Variants in RPTOR observed in about 807,000 individuals in gnomAD.
RPTOR encodes the protein regulatory associated protein of MTOR complex 1.
Under a neutral mutation model 169.9 loss-of-function variants are expected in RPTOR, and 21 were observed. That is an observed-to-expected ratio of 0.12 (90% CI 0.09 to 0.18). RPTOR has a LOEUF of 0.18. RPTOR is among the 10% of genes least tolerant of loss of function. The probability of loss-of-function intolerance (pLI) is 1.00; values close to 1 mark genes in which losing one functional copy is unlikely to be tolerated. For synonymous variants in RPTOR, 732 were observed against 753.2 expected (o/e 0.97, Z 0.46); for missense variants, 1,133 against 1,855.9 (o/e 0.61, Z 7.16).
rs1045150039 is a variant in RPTOR, at chr17:80,633,430, C to G, written c.265+7637C>G. On this transcript the variant is annotated intron_variant, in intron 2 of 33. Coordinates refer to ENST00000306801, the MANE Select transcript of RPTOR (RefSeq NM_020761.3). The surrounding 1 kb of genome is among the most constrained non-coding windows in gnomAD (Gnocchi z 4.1). ...ACTCAGTCTGAAGCAGTTCCACAGGCATTCCGTGACCCTCCTCACCCTGGC... is the reference window on the plus strand; with the variant it reads ...ACTCAGTCTGAAGCAGTTCCACAGGGATTCCGTGACCCTCCTCACCCTGGC... Among the ~76,000 whole-genome samples, 2 of 152,244 alleles carry G rather than the reference C, an allele frequency of 1.3e-5. No homozygotes were observed. The highest frequency in any genetic ancestry group is 2.9e-5 in the Non-Finnish European group (2 of 68,044).
chr17:80,663,156 TC>T (rs2065737347), intron 3 of RPTOR, among the ~76,000 whole-genome samples: 1 of 152,172 alleles, frequency 6.6e-6, no homozygotes, highest in Admixed American at 6.5e-5. Context: ...TTGCTGGGTG[TC>T]CCGGAGCCTG....
intron 19 of RPTOR, among the ~76,000 whole-genome samples, chr17:80,893,331 AGGTGTGTGTGCG>A (rs2068352615): frequency 1.8e-5 from 2 of 108,582 alleles, no homozygotes; most frequent in African/African-American, 7.9e-5. Context: ...TGCGCGCGCC[AGGTGTGTGTGCG>A]CCAGGGTGTG....
At chr17:80,792,339 C>A (rs1183050172) in intron 7 of RPTOR, among the ~76,000 whole-genome samples, 1 of 152,170 alleles carries the variant, frequency 6.6e-6, no homozygotes, top group Non-Finnish European at 1.5e-5. Context: ...GGAAAAGCAA[C>A]CCCACTTCCA....
chr17:80,791,309 G>A (rs1335684980), intron 6 of RPTOR, 141 bp from the exon 7 acceptor site: 3 of 637,510 alleles, frequency 4.7e-6, no homozygotes, highest in Admixed American at 3.5e-5. Context: ...AAAAGCTGCC[G>A]AATTAAGGAA....
chr17:80,690,961 AT>A (rs1373057916), intron 3 of RPTOR, among the ~76,000 whole-genome samples: 1 of 151,956 alleles, frequency 6.6e-6, no homozygotes, highest in Non-Finnish European at 1.5e-5. Context: ...TGCCTTGCTA[AT>A]TTTTAAATGT....
intron 1 of RPTOR, among the ~76,000 whole-genome samples, chr17:80,553,360 C>T (rs993816039): frequency 2.0e-4 from 30 of 152,306 alleles, no homozygotes; most frequent in Admixed American, 1.8e-3. Context: ...CCTGTGTCCA[C>T]GGCAGACGTG....
intron 11 of RPTOR, among the ~76,000 whole-genome samples, chr17:80,853,743 C>T (rs2067820900): frequency 6.6e-6 from 1 of 152,202 alleles, no homozygotes; most frequent in Non-Finnish European, 1.5e-5. Context: ...CTTTGGGAGG[C>T]CAAGGCGGGT....
chr17:80,700,366 TAGATA>T (rs1157829851), intron 3 of RPTOR, among the ~76,000 whole-genome samples: 1 of 135,294 alleles, frequency 7.4e-6, no homozygotes, highest in Non-Finnish European at 1.5e-5. Context: ...ATCTAAGAAA[TAGATA>T]AGTGGTGGTG....
At chr17:80,939,289 C>T (rs1040928300) in intron 24 of RPTOR, among the ~76,000 whole-genome samples, 1 of 152,182 alleles carries the variant, frequency 6.6e-6, no homozygotes, top group Non-Finnish European at 1.5e-5. Context: ...TTAGTATTTG[C>T]CAAGTGTGGA....
intron 2 of RPTOR, among the ~76,000 whole-genome samples, chr17:80,632,620 G>A (rs1377948498): frequency 1.3e-5 from 2 of 152,108 alleles, no homozygotes; most frequent in African/African-American, 4.8e-5. Context: ...GAGTTTAGGA[G>A]GGCATGTGCT....
At chr17:80,786,109 C>T (rs569495661) in intron 6 of RPTOR, among the ~76,000 whole-genome samples, 38 of 152,252 alleles carry the variant, frequency 2.5e-4, no homozygotes, top group African/African-American at 8.9e-4. Flanking sequence ...TAGCAGAGGC[C>T]GCTTCTGCAC....
intron 11 of RPTOR, among the ~76,000 whole-genome samples, chr17:80,853,725 T>A (rs1203649643): frequency 6.6e-6 from 1 of 152,188 alleles, no homozygotes; most frequent in Non-Finnish European, 1.5e-5. Flanking sequence ...ACGCCTGTAA[T>A]CCCAGCACTT....
At chr17:80,822,904 T>C (rs56273414) in intron 8 of RPTOR, among the ~76,000 whole-genome samples, 175 bp from the exon 9 acceptor site, 18,242 of 152,142 alleles carry the variant, frequency 0.12, 1,232 homozygotes, top group South Asian at 0.16. Flanking sequence ...TGCACGTGTG[T>C]GTATGTTTAA....
At chr17:80,922,407 C>T (rs1056889515) in intron 21 of RPTOR, among the ~76,000 whole-genome samples, 4 of 152,142 alleles carry the variant, frequency 2.6e-5, no homozygotes, top group African/African-American at 9.7e-5. Context: ...GAGGGTGGGC[C>T]GTCATCCATC....
intron 1 of RPTOR, among the ~76,000 whole-genome samples, chr17:80,556,639 C>T (rs962797633): frequency 6.6e-6 from 1 of 152,050 alleles, no homozygotes; most frequent in Non-Finnish European, 1.5e-5. Context: ...TGGATGGGTT[C>T]CAGTGGGTGG....
intron 4 of RPTOR, among the ~76,000 whole-genome samples, chr17:80,711,175 G>T (rs1051995837): frequency 6.6e-6 from 1 of 152,144 alleles, no homozygotes. Context: ...CTGTGAGTGA[G>T]GTGCCTTCCT....
At chr17:80,787,336 C>G (rs2067003613) in intron 6 of RPTOR, among the ~76,000 whole-genome samples, 1 of 152,216 alleles carries the variant, frequency 6.6e-6, no homozygotes, top group African/African-American at 2.4e-5. Context: ...GTACCCCCGT[C>G]TAACTCTGCG....
chr17:80,665,053 A>C (rs1401003896), intron 3 of RPTOR, among the ~76,000 whole-genome samples: 2 of 152,008 alleles, frequency 1.3e-5, no homozygotes, highest in Admixed American at 1.3e-4. Context: ...TCTGTCAATT[A>C]AAATATTTGA....
chr17:80,693,051 A>T (rs1473743781), intron 3 of RPTOR, among the ~76,000 whole-genome samples: 1 of 152,164 alleles, frequency 6.6e-6, no homozygotes, highest in Non-Finnish European at 1.5e-5. Context: ...GGTTTCTTCT[A>T]CCTTGCTTCT....
Sources: allele counts gnomAD v4.1 joint callset (sites outside exome capture counted in the v4.1 genomes callset), GRCh38; gene constraint gnomAD v4.1.1; non-coding constraint Gnocchi (gnomAD v3.1); transcripts MANE v1.5; gene names NCBI Gene and HGNC (gene_info 2026-07-23, HGNC 2026-07-21).